TYW1B: variants seen among roughly 807,000 people sequenced by gnomAD.
The protein encoded by TYW1B is S-adenosyl-L-methionine-dependent tRNA 4-demethylwyosine synthase TYW1B.
In TYW1B, 73 loss-of-function variants were observed where a neutral mutation model predicts 86.9. The ratio of observed to expected loss-of-function variants is 0.84; its 90% CI spans 0.70 to 1.02. TYW1B has a LOEUF of 1.02. TYW1B is among the 50% of genes least tolerant of loss of function. The probability of loss-of-function intolerance (pLI) is 0.00; values close to 1 mark genes in which losing one functional copy is unlikely to be tolerated. For synonymous variants in TYW1B, 248 were observed against 292.8 expected (o/e 0.85, Z 1.56); for missense variants, 637 against 827.4 (o/e 0.77, Z 2.82).
chr7:72,784,534 G>A (rs1272648261), intron 6 of TYW1B, among the ~76,000 whole-genome samples: 2 of 152,164 alleles, frequency 1.3e-5, no homozygotes, highest in African/African-American at 2.4e-5. Context: ...GTCTCAGGCT[G>A]TTGCCTAGGC....
At chr7:72,817,582 G>A (rs1788747710) in intron 2 of TYW1B, among the ~76,000 whole-genome samples, 1 of 152,088 alleles carries the variant, frequency 6.6e-6, no homozygotes, top group African/African-American at 2.4e-5. Context: ...CCTCATGAGT[G>A]GCTTTGTTAC....
intron 11 of TYW1B, among the ~76,000 whole-genome samples, chr7:72,676,177 T>G (rs1361810695): frequency 1.3e-5 from 2 of 152,144 alleles, no homozygotes; most frequent in African/African-American, 4.8e-5. Context: ...AATAAACAAG[T>G]GCTAAAAGAT....
intron 11 of TYW1B, among the ~76,000 whole-genome samples, chr7:72,632,441 T>C (rs1331468305): frequency 1.0e-4 from 11 of 110,058 alleles, no homozygotes; most frequent in Non-Finnish European, 1.6e-4. Flanking sequence ...TATATACGTA[T>C]ATATATAAAA....
At chr7:72,760,455 T>A (rs1787668257) in intron 7 of TYW1B, among the ~76,000 whole-genome samples, 1 of 152,220 alleles carries the variant, frequency 6.6e-6, no homozygotes, top group Admixed American at 6.5e-5. Flanking sequence ...GAGTTTGTAT[T>A]ATAATCTCAT....
At chr7:72,682,011 G>A (rs1361160401) in intron 11 of TYW1B, among the ~76,000 whole-genome samples, 7 of 151,794 alleles carry the variant, frequency 4.6e-5, no homozygotes, top group Non-Finnish European at 8.8e-5. Context: ...CCGAGTAGCT[G>A]GGATTACAGG....
chr7:72,744,571 T>C lies in TYW1B; in HGVS notation c.995A>G (p.Gln332Arg). The C allele has an allele frequency of 6.2e-7, 1 of 1,613,858 alleles. No individual in the cohort carries two copies. Among genetic ancestry groups the C allele is most frequent in the South Asian group, 1.1e-5 (1 of 91,078 alleles). The part of the protein sequence containing the change: ...VDAPRERSLL[Q>R]THILWNESHR... The stretch of plus-strand genomic sequence containing the variant: ...GCTCTCATTCCATAGAATGTGTGTT[T>C]GTAACAAGCTCCTCTCCCTCGGAGC... The change falls in exon 8 of 14, where the codon CAA (glutamine) becomes CGA (arginine). Residue 332 changes from glutamine (Q) to arginine (R), a missense_variant. By Grantham distance (43) the Gln-to-Arg change is conservative. Coordinates refer to ENST00000620995, the MANE Select transcript of TYW1B (RefSeq NM_001145440.3).
At chr7:72,697,733 G>C (rs1344492285) in intron 10 of TYW1B, among the ~76,000 whole-genome samples, 1 of 152,152 alleles carries the variant, frequency 6.6e-6, no homozygotes, top group Admixed American at 6.6e-5. Context: ...CCCAAAAAAA[G>C]ACAATATTTA....
rs539445902 is a variant in TYW1B, at chr7:72,575,928, T to C, written c.1786-209A>G. Reference sequence around the variant, plus strand: ...GCGCTACAATCACAGGAGAGCTTCCTTTCCCTTGGGCCTGCAGTTTTGCTG... The same window carrying C: ...GCGCTACAATCACAGGAGAGCTTCCCTTCCCTTGGGCCTGCAGTTTTGCTG... On this transcript the variant is annotated intron_variant, in intron 13 of 13. Coordinates refer to ENST00000620995, the MANE Select transcript of TYW1B (RefSeq NM_001145440.3). Among the ~76,000 whole-genome samples, 19 of 152,366 alleles carry C rather than the reference T, an allele frequency of 1.2e-4. No individual in the cohort carries two copies. In the South Asian group the frequency reaches 3.7e-3, roughly 30 times the overall value.
intron 2 of TYW1B, among the ~76,000 whole-genome samples, chr7:72,823,590 A>G (rs1788872490): frequency 6.6e-6 from 1 of 152,012 alleles, no homozygotes; most frequent in Non-Finnish European, 1.5e-5. Flanking sequence ...ACTGCACTCC[A>G]GCCTGGCGAC....
chr7:72,667,638 G>A (rs754326687), intron 11 of TYW1B, among the ~76,000 whole-genome samples: 5 of 152,136 alleles, frequency 3.3e-5, no homozygotes, highest in Non-Finnish European at 5.9e-5. Flanking sequence ...CGCTTGAGCC[G>A]GGAGGTGGAG....
At chr7:72,577,641 T>G (rs1787398944) in intron 13 of TYW1B, among the ~76,000 whole-genome samples, 1 of 152,218 alleles carries the variant, frequency 6.6e-6, no homozygotes, top group South Asian at 2.1e-4. Flanking sequence ...CGCAGGCCCT[T>G]CCTCTGGGCC....
At chr7:72,610,986 T>G (rs1430462033) in intron 13 of TYW1B, among the ~76,000 whole-genome samples, 2 of 152,182 alleles carry the variant, frequency 1.3e-5, no homozygotes, top group Non-Finnish European at 2.9e-5. Flanking sequence ...TAACCCTGCC[T>G]AATAATCTCC....
Position 72,716,893 on chromosome 7 carries a change from G to A in TYW1B, c.1193-3095C>T, listed in dbSNP as rs535375279. On this transcript the variant is annotated intron_variant, in intron 9 of 13. Coordinates refer to ENST00000620995, the MANE Select transcript of TYW1B (RefSeq NM_001145440.3). ...CTCCCAAAGTGCTGGGATTACAGGC[G>A]TGAGCCACCATGCCCAGCCAAGACA... is the stretch of plus-strand genomic sequence containing the variant. Among the ~76,000 whole-genome samples the A allele has an allele frequency of 4.0e-5, 6 of 150,654 alleles. No homozygotes were observed. The South Asian group carries it at 1.0e-3, about 26-fold the overall frequency.
chr7:72,764,396 C>T (rs35986358), intron 7 of TYW1B, among the ~76,000 whole-genome samples: 103,610 of 151,296 alleles, frequency 0.68, 36,378 homozygotes, highest in Non-Finnish European at 0.77. Flanking sequence ...GATTCTTCTG[C>T]CTCAGCCTCC....
intron 3 of TYW1B, among the ~76,000 whole-genome samples, chr7:72,812,400 A>G (rs193051151): frequency 6.6e-6 from 1 of 152,112 alleles, no homozygotes; most frequent in African/African-American, 2.4e-5. Context: ...AGCATTTCCA[A>G]TTTGCGGTTC....
chr7:72,595,897 C>T (rs1227226217), intron 13 of TYW1B, among the ~76,000 whole-genome samples: 2 of 151,896 alleles, frequency 1.3e-5, no homozygotes, highest in East Asian at 1.9e-4. Flanking sequence ...CAACACTGGC[C>T]GGGCACGGTG....
At chr7:72,706,781 A>C (rs1313769658) in intron 10 of TYW1B, among the ~76,000 whole-genome samples, 1 of 152,222 alleles carries the variant, frequency 6.6e-6, no homozygotes, top group Non-Finnish European at 1.5e-5. Flanking sequence ...GATCTTGACA[A>C]CTTTTGCCAG....
intron 11 of TYW1B, among the ~76,000 whole-genome samples, chr7:72,673,122 C>T (rs1299003856): frequency 2.0e-5 from 3 of 152,126 alleles, no homozygotes; most frequent in African/African-American, 7.2e-5. Context: ...GAGCCGAGAT[C>T]GGCCACTGCA....
At chr7:72,656,818 G>A (rs1165391230) in intron 11 of TYW1B, among the ~76,000 whole-genome samples, 1 of 152,080 alleles carries the variant, frequency 6.6e-6, no homozygotes, top group Non-Finnish European at 1.5e-5. Flanking sequence ...AGCAAAGGAG[G>A]AGAAAGGTGC....
Sources: gnomAD v4.1 joint callset for allele counts (sites outside exome capture counted in the v4.1 genomes callset) on GRCh38, gnomAD v4.1.1 for gene constraint, MANE v1.5 for transcripts, NCBI Gene and HGNC (gene_info 2026-07-23, HGNC 2026-07-21) for gene names.